Variants in ESR1 observed in about 807,000 individuals in gnomAD.
ESR1 encodes estrogen receptor.
ESR1 carries 12 observed loss-of-function variants against 52.7 expected under a neutral mutation model. The ratio of observed to expected loss-of-function variants is 0.23; its 90% CI spans 0.15 to 0.37. The LOEUF (loss-of-function observed/expected upper bound fraction) is 0.37, where lower values mean the gene tolerates loss of function less well. Among genes scored for constraint, ESR1 ranks in the 10% least tolerant of loss-of-function variants. The pLI, the probability that ESR1 is intolerant of heterozygous loss-of-function variation, is 1.00. For missense variants in ESR1, 584 were observed against 779.7 expected (o/e 0.75, Z 2.99); for synonymous variants, 305 against 316.8 (o/e 0.96, Z 0.39).
chr6:151,767,010 A>C (rs1476011782), intron 2 of ESR1, among the ~76,000 whole-genome samples: 1 of 152,242 alleles, frequency 6.6e-6, no homozygotes, highest in African/African-American at 2.4e-5. Flanking sequence ...TTCTATATGA[A>C]GACATCTGAG....
At chr6:152,092,052 A>G (rs2050227343) in intron 6 of ESR1, among the ~76,000 whole-genome samples, 1 of 152,128 alleles carries the variant, frequency 6.6e-6, no homozygotes, top group South Asian at 2.1e-4. Flanking sequence ...AAAGGGGAGA[A>G]GAGCTGAGGC....
intron 5 of ESR1, among the ~76,000 whole-genome samples, chr6:152,048,906 C>G (rs2046448062): frequency 6.6e-6 from 1 of 152,148 alleles, no homozygotes; most frequent in African/African-American, 2.4e-5. Flanking sequence ...AGAATCTGTT[C>G]ATCTAAGTAG....
chr6:151,715,228 C>T (rs1301560947), intron 2 of ESR1, among the ~76,000 whole-genome samples: 1 of 152,188 alleles, frequency 6.6e-6, no homozygotes, highest in Non-Finnish European at 1.5e-5. Flanking sequence ...ATGGGCTTCC[C>T]TTTGTGGGTA....
chr6:152,007,424 T>C lies in ESR1; in HGVS notation c.1097-4232T>C, dbSNP rs139530566. 2.3e-4 allele frequency among the ~76,000 whole-genome samples: 35 copies of C among 151,968 alleles called. No homozygotes were observed. The East Asian group carries it at 5.0e-3, about 22-fold the overall frequency. ...AGTGAGCTGATTTATGATGGAGGGG[T>C]GAATTGTGCCATGAAAGAGACTCCC... On this transcript the variant is annotated intron_variant, in intron 4 of 7. Transcript: ENST00000206249.
intron 5 of ESR1, among the ~76,000 whole-genome samples, chr6:152,050,040 G>C (rs2046550752): frequency 6.6e-6 from 1 of 152,028 alleles, no homozygotes. Context: ...CTATCCACTG[G>C]GCACCACTGT....
intron 2 of ESR1, among the ~76,000 whole-genome samples, chr6:151,706,302 C>T (rs1780179721): frequency 6.6e-6 from 1 of 152,204 alleles, no homozygotes; most frequent in Non-Finnish European, 1.5e-5. Flanking sequence ...GATTTTGACT[C>T]AGCTCCAACA....
At chr6:151,724,303 G>A (rs183760929) in intron 2 of ESR1, among the ~76,000 whole-genome samples, 1 of 152,084 alleles carries the variant, frequency 6.6e-6, no homozygotes, top group Non-Finnish European at 1.5e-5. Flanking sequence ...ATGAAGTGAA[G>A]GCTATCATGT....
At chr6:151,751,721 C>CA (rs1216065756) in intron 2 of ESR1, among the ~76,000 whole-genome samples, 1 of 151,932 alleles carries the variant, frequency 6.6e-6, no homozygotes, top group Admixed American at 6.6e-5. Flanking sequence ...TACATAAACA[C>CA]AAAAAATGAT....
chr6:151,818,810 C>T (rs774243155), intron 1 of ESR1, among the ~76,000 whole-genome samples: 17 of 150,728 alleles, frequency 1.1e-4, no homozygotes, highest in Middle Eastern at 3.5e-3. Context: ...CACATATATA[C>T]ACACACACAC....
chr6:151,717,052 GC>G (rs1263527152), intron 2 of ESR1, among the ~76,000 whole-genome samples: 2 of 152,180 alleles, frequency 1.3e-5, no homozygotes, highest in Non-Finnish European at 2.9e-5. Context: ...TAGTATCTGG[GC>G]AGGAGTGCAC....
In ESR1 at chr6:152,094,190, G is replaced by GTT. The variant is rs1299520592; in HGVS notation, c.1370-194_1370-193insTT. On this transcript the variant is annotated intron_variant, in intron 6 of 7. Transcript: ENST00000206249. This position sits in a 1 kb window ranked among gnomAD's most constrained non-coding sequence, Gnocchi z 4.6. ...CAAAGGAGCCCTCCTTGGTTTGCTG[G>GTT]TGCTCTGAGACTTGCAAATGCATTA... is the stretch of plus-strand genomic sequence containing the variant. Among the ~76,000 whole-genome samples, 2 of 152,184 alleles carry GTT rather than the reference G, an allele frequency of 1.3e-5. No homozygotes were observed. The highest frequency in any genetic ancestry group is 4.8e-5 in the African/African-American group (2 of 41,440).
chr6:152,076,417 G>A (rs923134343), intron 6 of ESR1, among the ~76,000 whole-genome samples: 2 of 152,126 alleles, frequency 1.3e-5, no homozygotes, highest in African/African-American at 4.8e-5. Flanking sequence ...CCAGTCTTGG[G>A]TATGTCTTTA....
intron 3 of ESR1, among the ~76,000 whole-genome samples, chr6:151,887,617 G>T (rs1303667063): frequency 2.6e-5 from 4 of 152,072 alleles, no homozygotes; most frequent in Admixed American, 6.5e-5. Flanking sequence ...AACACAGTTT[G>T]CAAGCCACTG....
At chr6:151,899,564 C>T (rs1322560475) in intron 3 of ESR1, among the ~76,000 whole-genome samples, 7 of 148,862 alleles carry the variant, frequency 4.7e-5, no homozygotes, top group Admixed American at 1.3e-4. Context: ...GGCGGCTGGC[C>T]GGGCGGGGAG....
chr6:151,708,711 A>G (rs1189826459), intron 2 of ESR1, among the ~76,000 whole-genome samples: 1 of 152,106 alleles, frequency 6.6e-6, no homozygotes, highest in African/African-American at 2.4e-5. Context: ...TTATCTGTCA[A>G]TTACCAATGG....
chr6:152,086,258 A>G (rs932384845), intron 6 of ESR1, among the ~76,000 whole-genome samples: 1 of 152,114 alleles, frequency 6.6e-6, no homozygotes, highest in Non-Finnish European at 1.5e-5. Context: ...AATATATTAC[A>G]GATACAAGTA....
intron 1 of ESR1, among the ~76,000 whole-genome samples, chr6:151,834,483 G>A (rs1341548992): frequency 1.3e-5 from 2 of 152,204 alleles, no homozygotes; most frequent in African/African-American, 4.8e-5. Flanking sequence ...TCACTGGTAA[G>A]TGGAAATTGA....
At chr6:151,939,495 A>T (rs1443950556) in intron 3 of ESR1, among the ~76,000 whole-genome samples, 1 of 152,204 alleles carries the variant, frequency 6.6e-6, no homozygotes, top group Non-Finnish European at 1.5e-5. Flanking sequence ...CTATATAATT[A>T]AGAATAAGCT....
chr6:152,061,078 G>A lies in ESR1; in HGVS notation c.1323G>A (p.Gln441=). The change falls in exon 6 of 8, where the codon CAG becomes CAA. Residue 441 remains glutamine, a synonymous_variant. Transcript: ENST00000206249. This position sits in a 1 kb window ranked among gnomAD's most constrained non-coding sequence, Gnocchi z 4.3. The part of the protein sequence containing the change: ...TSSRFRMMNL[Q]GEEFVCLKSI... ...CTCGGTTCCGCATGATGAATCTGCA[G>A]GGAGAGGAGTTTGTGTGCCTCAAAT... 4.3e-6 allele frequency: 7 copies of A among 1,613,898 alleles called. No individual in the cohort carries two copies. Among genetic ancestry groups the A allele is most frequent in the Non-Finnish European group, 5.9e-6 (7 of 1,179,898 alleles).
Sources: allele counts gnomAD v4.1 joint callset (sites outside exome capture counted in the v4.1 genomes callset), GRCh38; gene constraint gnomAD v4.1.1; non-coding constraint Gnocchi (gnomAD v3.1); transcripts MANE v1.5; gene names NCBI Gene and HGNC (gene_info 2026-07-23, HGNC 2026-07-21).